Variants in PIK3C2G observed in about 807,000 individuals in gnomAD.
PIK3C2G encodes the protein phosphatidylinositol 3-kinase C2 domain-containing subunit gamma.
PIK3C2G carries 168 observed loss-of-function variants against 181.1 expected under a neutral mutation model. The observed-to-expected ratio is 0.93, with a 90% CI of 0.82 to 1.05. The LOEUF (loss-of-function observed/expected upper bound fraction) is 1.05. Among genes scored for constraint, PIK3C2G ranks in the 50% least tolerant of loss-of-function variants. The probability of loss-of-function intolerance (pLI) is 0.00; values close to 1 mark genes in which losing one functional copy is unlikely to be tolerated. For missense variants in PIK3C2G, 1,869 were observed against 1,732.8 expected (o/e 1.08, Z -1.40); for synonymous variants, 573 against 592.2 (o/e 0.97, Z 0.47).
chr12:18,685,284 A>G, the PIK3C2G span, among the ~76,000 whole-genome samples: 1 of 152,034 alleles, frequency 6.6e-6, no homozygotes, highest in Admixed American at 6.6e-5. Context: ...CTGCCAAGCA[A>G]GAAATCCACA....
chr12:18,323,825 C>A (rs1033855821), intron 7 of PIK3C2G, among the ~76,000 whole-genome samples: 2 of 152,126 alleles, frequency 1.3e-5, no homozygotes, highest in Non-Finnish European at 2.9e-5. Flanking sequence ...ACCTTCACTA[C>A]TTCCCAGTGG....
chr12:18,705,390 A>T, the PIK3C2G span: 11 of 1,539,652 alleles, frequency 7.1e-6, no homozygotes, highest in African/African-American at 1.4e-4. Context: ...ATAAGTGCTT[A>T]ATGTATTTTA....
At chr12:18,592,816 T>C (rs1003574125) in intron 29 of PIK3C2G, among the ~76,000 whole-genome samples, 2 of 151,940 alleles carry the variant, frequency 1.3e-5, no homozygotes, top group Non-Finnish European at 2.9e-5. Context: ...TAGATGGGAA[T>C]CTTCTACAAG....
At chr12:18,552,756 T>G in intron 26 of PIK3C2G, among the ~76,000 whole-genome samples, 1 of 152,120 alleles carries the variant, frequency 6.6e-6, no homozygotes, top group East Asian at 1.9e-4. Context: ...CACGGCCCAG[T>G]CACATTCATT....
intron 18 of PIK3C2G, among the ~76,000 whole-genome samples, chr12:18,456,920 G>A (rs1461640212): frequency 6.6e-6 from 1 of 152,176 alleles, no homozygotes; most frequent in African/African-American, 2.4e-5. Context: ...AAATGGCAGA[G>A]CTGGATTGAC....
rs1945452556 is a variant in PIK3C2G at position 18,563,436 on chromosome 12, T to C, written c.3840T>C (p.Phe1280=). 9 of 1,613,684 alleles carry C rather than the reference T, an allele frequency of 5.6e-6. No homozygotes were observed. The highest frequency in any genetic ancestry group is 1.7e-5 in the Admixed American group (1 of 60,002). Residue 1280 remains phenylalanine, a synonymous_variant, in exon 28 of 33, where the codon TTT becomes TTC. Transcript: ENST00000538779. ...AAACAAGCCTGACAGAAAAATCATTTGAGCAGTTTTCAAAACTTCACAGCC... is the reference window on the plus strand; with the variant it reads ...AAACAAGCCTGACAGAAAAATCATTCGAGCAGTTTTCAAAACTTCACAGCC... ...NNETSLTEKS[F]EQFSKLHSQL... is the part of the protein sequence containing the mutation.
At chr12:18,372,822 T>C (rs1010381094) in intron 13 of PIK3C2G, 7 of 152,180 alleles carry the variant, frequency 4.6e-5, no homozygotes, top group Non-Finnish European at 7.3e-5. Flanking sequence ...CCATGTTGTT[T>C]TGTCATATGT....
chr12:18,529,647 T>C (rs949565839), intron 24 of PIK3C2G, among the ~76,000 whole-genome samples: 1 of 152,198 alleles, frequency 6.6e-6, no homozygotes, highest in Non-Finnish European at 1.5e-5. Flanking sequence ...AATAATTCAA[T>C]AAATAAAAGG....
At chr12:18,721,821 T>G in the PIK3C2G span, among the ~76,000 whole-genome samples, 9 of 152,052 alleles carry the variant, frequency 5.9e-5, no homozygotes, top group African/African-American at 2.2e-4. Context: ...TGCAAAAATT[T>G]AATGGTGCTG....
At chr12:18,544,390 G>T (rs1035243823) in intron 25 of PIK3C2G, among the ~76,000 whole-genome samples, 1 of 151,784 alleles carries the variant, frequency 6.6e-6, no homozygotes, top group African/African-American at 2.4e-5. Context: ...TATCTAGCTG[G>T]GATCTTAGGC....
intron 15 of PIK3C2G, among the ~76,000 whole-genome samples, chr12:18,392,491 C>T (rs1280405851): frequency 2.6e-5 from 4 of 152,206 alleles, no homozygotes; most frequent in Admixed American, 2.6e-4. Context: ...CATCTCAAGG[C>T]CTTTTTATTT....
intron 24 of PIK3C2G, among the ~76,000 whole-genome samples, chr12:18,531,844 T>G (rs1228345517): frequency 6.6e-6 from 1 of 152,178 alleles, no homozygotes; most frequent in African/African-American, 2.4e-5. Context: ...TGCAAACAAT[T>G]CATTTGTAAG....
intron 1 of PIK3C2G, among the ~76,000 whole-genome samples, chr12:18,264,258 T>A (rs567283756): frequency 1.3e-3 from 203 of 152,304 alleles, no homozygotes; most frequent in African/African-American, 4.6e-3. Flanking sequence ...AGTATTTCAT[T>A]ATATCTTACT....
chr12:18,292,154 G>A lies in PIK3C2G; in HGVS notation c.919+1142G>A, dbSNP rs1162783359. Among the ~76,000 whole-genome samples, 6 of 136,718 alleles carry A rather than the reference G, an allele frequency of 4.4e-5. No individual in the cohort carries two copies. The East Asian group carries it at 1.3e-3, about 30-fold the overall frequency. 89.7% of individuals were successfully genotyped at this position (136,718 alleles called of 152,430 possible). ...GAACCAGGGAGGTGGAGGTTGCAGT[G>A]AGCCGAGATCGCACCATTGCACTCC... is the stretch of plus-strand genomic sequence containing the variant. On this transcript the variant is annotated intron_variant, in intron 4 of 32. Coordinates refer to ENST00000538779, the MANE Select transcript of PIK3C2G (RefSeq NM_001288772.2).
In PIK3C2G at chr12:18,346,836, G is replaced by A. The variant is rs540655988; in HGVS notation, c.1625G>A (p.Ser542Asn). 44 of 1,580,018 alleles carry A rather than the reference G, an allele frequency of 2.8e-5. No homozygotes were observed. In the South Asian group the frequency reaches 4.8e-4, roughly 17 times the overall value. ...AHNIPETWVH[S>N]YKAFSFTCWL... is the part of the protein sequence containing the mutation. ...AACATTCCAGAAACCTGGGTGCACAGGTGAGTGGTGGTGAGTTTTTCACAA... is the reference window on the plus strand; with the variant it reads ...AACATTCCAGAAACCTGGGTGCACAAGTGAGTGGTGGTGAGTTTTTCACAA... The change falls in exon 11 of 33, where the codon AGC (serine) becomes AAC (asparagine). Residue 542 changes from serine to asparagine, a missense_variant and splice_region_variant. Coordinates refer to ENST00000538779, the MANE Select transcript of PIK3C2G (RefSeq NM_001288772.2).
At chr12:18,513,748 G>T (rs764441195) in intron 24 of PIK3C2G, among the ~76,000 whole-genome samples, 6 of 151,670 alleles carry the variant, frequency 4.0e-5, no homozygotes, top group Admixed American at 3.3e-4. Flanking sequence ...ATTACAAAAT[G>T]CAAACCATCT....
At chr12:18,561,585 G>A (rs1945347057) in intron 26 of PIK3C2G, among the ~76,000 whole-genome samples, 1 of 152,072 alleles carries the variant, frequency 6.6e-6, no homozygotes, top group Non-Finnish European at 1.5e-5. Flanking sequence ...AATATCACAA[G>A]TCAGATACTG....
chr12:18,465,320 C>T (rs1447407), intron 18 of PIK3C2G, among the ~76,000 whole-genome samples: 148,955 of 151,990 alleles, frequency 0.98, 73,064 homozygotes, highest in Middle Eastern at 1. Context: ...TGTTAGGTAT[C>T]AGAGTTCTAT....
At chr12:18,643,135 GTAT>G (rs1238814570) in intron 32 of PIK3C2G, among the ~76,000 whole-genome samples, 1 of 151,950 alleles carries the variant, frequency 6.6e-6, no homozygotes, top group African/African-American at 2.4e-5. Context: ...CAAGCTTTAT[GTAT>G]TATAAGAAAA....
Sources: gnomAD v4.1 joint callset for allele counts (sites outside exome capture counted in the v4.1 genomes callset) on GRCh38, gnomAD v4.1.1 for gene constraint, MANE v1.5 for transcripts, NCBI Gene and HGNC (gene_info 2026-07-23, HGNC 2026-07-21) for gene names.